Variants in EDA observed in about 807,000 individuals in gnomAD.
EDA encodes the protein ectodysplasin-A.
Under a neutral mutation model 23.6 loss-of-function variants are expected in EDA, and 2 were observed. The ratio of observed to expected loss-of-function variants is 0.08; its 90% confidence interval spans 0.03 to 0.27. The LOEUF is 0.27. Ranked by LOEUF, EDA falls within the 10% of genes least tolerant of loss-of-function variation. The probability of loss-of-function intolerance (pLI) is 1.00; values close to 1 mark genes in which losing one functional copy is unlikely to be tolerated. For missense variants in EDA, 229 were observed against 324.2 expected (o/e 0.71, Z 2.26); for synonymous variants, 131 against 132.0 (o/e 0.99, Z 0.05).
rs868253415 is a variant in EDA at position 69,771,159 on chromosome X, C to T, written c.396+154455C>T. Among the ~76,000 whole-genome samples the T allele has an allele frequency of 1.8e-4, 17 of 96,173 alleles. 1 individual carries two copies. Among genetic ancestry groups the T allele is most frequent in the African/African-American group, 5.2e-4 (15 of 29,091 alleles). 83.5% of individuals were successfully genotyped at this position (96,173 alleles called of 115,157 possible). The stretch of plus-strand genomic sequence containing the variant: ...GCAACCTCCGCCTCCCAGGTTCAAG[C>T]GATTCTCCTGCCTCAGCCCCCCCAA... On this transcript the variant is annotated intron_variant, in intron 1 of 7. Coordinates refer to ENST00000374552, the MANE Select transcript of EDA (RefSeq NM_001399.5).
chrX:69,635,687 G>T (rs1932760795), intron 1 of EDA, among the ~76,000 whole-genome samples: 2 of 105,418 alleles, frequency 1.9e-5, no homozygotes, highest in African/African-American at 7.2e-5. Flanking sequence ...TCCTGCCTCA[G>T]CCTCCTGAGT....
intron 1 of EDA, among the ~76,000 whole-genome samples, chrX:69,736,961 T>C (rs1205834079): frequency 9.2e-6 from 1 of 108,296 alleles, no homozygotes; most frequent in African/African-American, 3.4e-5. Context: ...TTAGTAGAGA[T>C]GGGTTTCACC....
chrX:69,944,956 A>G (rs2018813522), intron 1 of EDA, among the ~76,000 whole-genome samples: 1 of 111,761 alleles, frequency 8.9e-6, no homozygotes, highest in African/African-American at 3.3e-5. Flanking sequence ...GTGACAGGGC[A>G]GCACTGAGTT....
chrX:69,816,873 C>T (rs5936503), intron 1 of EDA, among the ~76,000 whole-genome samples: 25,459 of 109,900 alleles, frequency 0.23, 2,311 homozygotes, highest in African/African-American at 0.31. Context: ...CAGGAAAATA[C>T]CCCACGAGAA....
At chrX:69,623,752 T>C (rs1283819725) in intron 1 of EDA, among the ~76,000 whole-genome samples, 1 of 109,266 alleles carries the variant, frequency 9.2e-6, no homozygotes, top group African/African-American at 3.3e-5. Flanking sequence ...GATATTGCCG[T>C]GTCTCTATTT....
At chrX:70,000,580 T>C (rs1400466794) in intron 2 of EDA, among the ~76,000 whole-genome samples, 2 of 112,473 alleles carry the variant, frequency 1.8e-5, no homozygotes, top group Non-Finnish European at 3.8e-5. Flanking sequence ...AGAGGTTCAG[T>C]TAATTGAGAT....
intron 7 of EDA, among the ~76,000 whole-genome samples, chrX:70,034,237 T>C (rs2020235682): frequency 9.0e-6 from 1 of 110,869 alleles, no homozygotes; most frequent in Admixed American, 9.7e-5. Flanking sequence ...TTTTGTGGGA[T>C]GGGCAGCAAG....
chrX:69,645,685 G>C (rs1932913626), intron 1 of EDA, among the ~76,000 whole-genome samples: 1 of 103,880 alleles, frequency 9.6e-6, no homozygotes, highest in Admixed American at 1.1e-4. Context: ...GTGCACGTTT[G>C]TTACATATGT....
At chrX:69,997,492 T>C (rs2019674704) in intron 2 of EDA, among the ~76,000 whole-genome samples, 1 of 112,391 alleles carries the variant, frequency 8.9e-6, no homozygotes, top group East Asian at 2.8e-4. Context: ...GCATAAAAGT[T>C]TGGAAAATTA....
intron 1 of EDA, among the ~76,000 whole-genome samples, chrX:69,699,174 G>A (rs908798254): frequency 9.0e-6 from 1 of 111,105 alleles, no homozygotes; most frequent in African/African-American, 3.3e-5. Context: ...GTGAGAATAG[G>A]GTGGAGAAGT....
intron 1 of EDA, among the ~76,000 whole-genome samples, chrX:69,931,135 A>G (rs193039438): frequency 5.6e-4 from 62 of 111,614 alleles, no homozygotes; most frequent in Non-Finnish European, 1.0e-3. Context: ...GCTACAGTAC[A>G]TAGTGTTTTT....
chrX:69,733,793 C>A lies in EDA; in HGVS notation c.396+117089C>A, dbSNP rs1040488573. Among the ~76,000 whole-genome samples the A allele has an allele frequency of 4.1e-4, 45 of 110,949 alleles. 1 individual carries two copies. The highest frequency in any genetic ancestry group is 7.6e-4 in the South Asian group (2 of 2,619). ...TTTATTTCACTGAGCAGTGGTTTGT[C>A]GTTCTCCTTGAAGAGGTCCTTCACA... On this transcript the variant is annotated intron_variant, in intron 1 of 7. Transcript: ENST00000374552.
chrX:69,785,872 C>G (rs1475149914), intron 1 of EDA, among the ~76,000 whole-genome samples: 1 of 108,967 alleles, frequency 9.2e-6, no homozygotes, highest in South Asian at 4.0e-4. Context: ...GGAATGGTAC[C>G]AGTTCCTCCT....
chrX:69,846,200 A>C (rs2017002752), intron 1 of EDA, among the ~76,000 whole-genome samples: 1 of 112,656 alleles, frequency 8.9e-6, no homozygotes, highest in Non-Finnish European at 1.9e-5. Context: ...GTTTTTAAAT[A>C]AACAGTCATC....
At position 69,731,713 on chromosome X, in the gene EDA, A is replaced by G. The variant is rs138412367; in HGVS notation, c.396+115009A>G. Among the ~76,000 whole-genome samples the G allele has an allele frequency of 3.8e-4, 42 of 111,943 alleles. No individual in the cohort carries two copies. The East Asian group carries it at 0.012, about 31-fold the overall frequency. ...TGCCTTTGGCCTCCCAAAGTGCTGG[A>G]TTACAGGTGTGAGCCACCTTTATTC... On this transcript the variant is annotated intron_variant, in intron 1 of 7. Transcript: ENST00000374552.
At chrX:69,957,176 T>C in intron 2 of EDA, 44 bp downstream of exon 2, 1 of 1,109,309 alleles carries the variant, frequency 9.0e-7, no homozygotes, top group East Asian at 3.0e-5. Flanking sequence ...GAATTATTTG[T>C]TAGTAAAAGT....
chrX:69,837,025 ATT>A (rs1323955775), intron 1 of EDA, among the ~76,000 whole-genome samples: 2 of 111,959 alleles, frequency 1.8e-5, no homozygotes, highest in Non-Finnish European at 3.8e-5. Context: ...TTTTTAAAAA[ATT>A]TTTTTGTTTC....
At chrX:69,832,291 G>A (rs1213327171) in intron 1 of EDA, among the ~76,000 whole-genome samples, 1 of 111,778 alleles carries the variant, frequency 8.9e-6, no homozygotes, top group African/African-American at 3.2e-5. Flanking sequence ...TTATTAAATA[G>A]GGAATCCTTT....
chrX:69,855,921 G>A (rs887719887), intron 1 of EDA, among the ~76,000 whole-genome samples: 8 of 109,971 alleles, frequency 7.3e-5, no homozygotes, highest in Admixed American at 3.9e-4. Context: ...ATAGGTTTTT[G>A]GGGAACAGGT....
Sources: gnomAD v4.1 joint callset for allele counts (sites outside exome capture counted in the v4.1 genomes callset) on GRCh38, gnomAD v4.1.1 for gene constraint, MANE v1.5 for transcripts, NCBI Gene and HGNC (gene_info 2026-07-23, HGNC 2026-07-21) for gene names.